The following PRPF3 variants were observed in gnomAD, a reference collection of about 807,000 sequenced individuals.
PRPF3 encodes the protein pre-mRNA processing factor 3.
In PRPF3, 3 loss-of-function variants were observed where a neutral mutation model predicts 89.2. That is an observed-to-expected ratio of 0.03 (90% CI 0.02 to 0.09). PRPF3 has a LOEUF of 0.09. Ranked by LOEUF, PRPF3 falls within the 10% of genes least tolerant of loss-of-function variation. The probability of loss-of-function intolerance (pLI) is 1.00; values close to 1 mark genes in which losing one functional copy is unlikely to be tolerated. For synonymous variants in PRPF3, 270 were observed against 289.1 expected, an observed-to-expected ratio of 0.93 and a Z score of 0.67; for missense variants, 463 against 828.8, an observed-to-expected ratio of 0.56 and a Z score of 5.42.
At chr1:150,324,711 A>AT (rs1432299664) in intron 1 of PRPF3, among the ~76,000 whole-genome samples, 184 bp from the exon 2 acceptor site, 2 of 151,738 alleles carry the variant, frequency 1.3e-5, no homozygotes, top group East Asian at 1.9e-4. Context: ...CGCCCAGCTA[A>AT]TTTTTTTGTA....
intron 1 of PRPF3, among the ~76,000 whole-genome samples, chr1:150,324,692 A>G (rs1366208914): frequency 1.3e-5 from 2 of 151,684 alleles, no homozygotes; most frequent in African/African-American, 4.8e-5. Flanking sequence ...TTACAGGCAC[A>G]TGCCACCACG....
chr1:150,340,250 A>ATATTTTAGGTACCTAAATGC, intron 8 of PRPF3, 148 bp from the exon 9 acceptor site: 2 of 661,778 alleles, frequency 3.0e-6, no homozygotes, highest in East Asian at 2.8e-5. Flanking sequence ...ATTTAACTAT[A>ATATTTTAGGTACCTAAATGC]TATTTTAGGT....
In PRPF3 at chr1:150,346,447, A is replaced by G. The variant is rs1658279276; in HGVS notation, c.1799A>G (p.His600Arg). The change falls in exon 14 of 16, where the codon CAT becomes CGT. Residue 600 changes from histidine (H) to arginine (R), a missense_variant. Around this residue, in one of 8 missense-constraint regions of PRPF3, gnomAD observed 261 missense variants for 475.8 expected, o/e 0.55. Coordinates refer to ENST00000324862, the MANE Select transcript of PRPF3 (RefSeq NM_004698.4). ...AAGAAATTTAAGCGTCTTATGCTGC[A>G]TCGGATAAAGTGGGATGAACAGACA... is the stretch of plus-strand genomic sequence containing the variant. ...AQKKFKRLML[H>R]RIKWDEQTSN... is the part of the protein sequence containing the mutation. The G allele has an allele frequency of 5.0e-6, 8 of 1,614,094 alleles. No homozygotes were observed. In the South Asian group the frequency reaches 5.5e-5, roughly 11 times the overall value.
rs781827683 is a variant in PRPF3, at chr1:150,335,256, G to C, written c.1035+15G>C. On this transcript the variant is annotated intron_variant, in intron 7 of 15. Transcript: ENST00000324862. ...TACGGACAAAGGTATCTGGCTTAGAGTATAACACAGAATTTGGAAAAAGTT... is the reference window on the plus strand; with the variant it reads ...TACGGACAAAGGTATCTGGCTTAGACTATAACACAGAATTTGGAAAAAGTT... 2.3e-5 allele frequency: 37 copies of C among 1,610,286 alleles called. No individual in the cohort carries two copies. Among genetic ancestry groups the C allele is most frequent in the Non-Finnish European group, 2.0e-5 (24 of 1,176,832 alleles).
intron 11 of PRPF3, 42 bp downstream of exon 11, chr1:150,344,303 T>C (rs1306547903): frequency 1.6e-5 from 26 of 1,613,696 alleles, no homozygotes; most frequent in Non-Finnish European, 1.9e-5. Flanking sequence ...GGCAAGTACC[T>C]TTCCCAAACT....
In PRPF3 at chr1:150,332,542, A is replaced by G. The variant is rs1656528483; in HGVS notation, c.424-142A>G. 6.3e-6 allele frequency: 5 copies of G among 789,770 alleles called. No individual in the cohort carries two copies. The South Asian group carries it at 7.5e-5, about 12-fold the overall frequency. 48.9% of individuals were successfully genotyped at this position (789,770 alleles called of 1,614,324 possible). On this transcript the variant is annotated intron_variant, in intron 4 of 15. Coordinates refer to ENST00000324862, the MANE Select transcript of PRPF3 (RefSeq NM_004698.4). ...CACTTATCTTGACTAAATTTTTTGC[A>G]CTGTGGTGCAGGCAGAATGTGGTAT...
intron 8 of PRPF3, among the ~76,000 whole-genome samples, chr1:150,338,735 G>A (rs587637789): frequency 6.6e-6 from 1 of 152,076 alleles, no homozygotes; most frequent in African/African-American, 2.4e-5. Flanking sequence ...GGCTGGTCTC[G>A]AACTCCTGAC....
intron 10 of PRPF3, 121 bp downstream of exon 10, chr1:150,343,573 C>G: frequency 1.5e-6 from 2 of 1,337,758 alleles, no homozygotes; most frequent in Non-Finnish European, 2.1e-6. Flanking sequence ...TTCTTGGGGT[C>G]CTTTTTCTCC....
intron 1 of PRPF3, among the ~76,000 whole-genome samples, chr1:150,323,173 C>CTTTTTTTTT (rs71083901): frequency 0.022 from 1,075 of 48,278 alleles, 286 homozygotes; most frequent in African/African-American, 0.024. Context: ...CCGCACCTGG[C>CTTTTTTTTT]TTTTTTTTTT....
chr1:150,351,667 A>AATTT (rs1658940015), intron 15 of PRPF3, among the ~76,000 whole-genome samples: 1 of 94,442 alleles, frequency 1.1e-5, no homozygotes, highest in Non-Finnish European at 2.1e-5. Flanking sequence ...TGCCTGGCTA[A>AATTT]TTTTTTTTTT....
chr1:150,328,517 A>T, intron 4 of PRPF3, 51 bp downstream of exon 4: 1 of 1,489,824 alleles, frequency 6.7e-7, no homozygotes, highest in Non-Finnish European at 9.3e-7. Context: ...TGAAGAAGCA[A>T]AAGGTGCATG....
At chr1:150,343,581 T>TC (rs1658001788) in intron 10 of PRPF3, 129 bp downstream of exon 10, 2 of 1,252,868 alleles carry the variant, frequency 1.6e-6, no homozygotes, top group East Asian at 2.6e-5. Flanking sequence ...GTCCTTTTTC[T>TC]CCAAGTTTTC....
intron 1 of PRPF3, among the ~76,000 whole-genome samples, chr1:150,322,974 A>G (rs587724144): frequency 6.0e-5 from 9 of 151,184 alleles, no homozygotes; most frequent in African/African-American, 2.2e-4. Flanking sequence ...TTCCATGTTC[A>G]AGGGATTCTC....
At position 150,334,260 on chromosome 1, in the gene PRPF3, T is replaced by C. The variant is rs111740614; in HGVS notation, c.729-675T>C. ...GGTTGAGGTTGCAATGAGCTGTGAT[T>C]GTGCCACTGTACTTTAGCCTGGGCA... is the stretch of plus-strand genomic sequence containing the variant. On this transcript the variant is annotated intron_variant, in intron 6 of 15. Transcript: ENST00000324862. 9.0e-3 allele frequency among the ~76,000 whole-genome samples: 1,368 copies of C among 152,236 alleles called. 16 individuals carry two copies. The highest frequency in any genetic ancestry group is 0.031 in the African/African-American group (1,297 of 41,546).
intron 10 of PRPF3, among the ~76,000 whole-genome samples, chr1:150,343,851 C>G (rs988842919): frequency 5.3e-5 from 8 of 152,120 alleles, no homozygotes; most frequent in African/African-American, 1.9e-4. Context: ...TTTGACTGAG[C>G]ACTATTATTT....
chr1:150,339,093 C>G (rs1187020910), intron 8 of PRPF3, among the ~76,000 whole-genome samples: 1 of 151,340 alleles, frequency 6.6e-6, no homozygotes, highest in Non-Finnish European at 1.5e-5. Context: ...AGGCTGGGCT[C>G]GGTGGCTGAC....
chr1:150,327,574 C>T (rs868912931), intron 3 of PRPF3: 38 of 985,620 alleles, frequency 3.9e-5, no homozygotes, highest in South Asian at 9.4e-5. Context: ...AGGAAGCGCT[C>T]GCCCCTGGCC....
chr1:150,335,772 T>TTA (rs1656913123), intron 7 of PRPF3, among the ~76,000 whole-genome samples: 1 of 148,816 alleles, frequency 6.7e-6, no homozygotes. Context: ...CCTTTTTTTT[T>TTA]TTTGGGCGGG....
In PRPF3 at chr1:150,349,224, T is replaced by C. The variant is rs587615563; in HGVS notation, c.1905+6T>C. 3 of 1,611,262 alleles carry C rather than the reference T, an allele frequency of 1.9e-6. No homozygotes were observed. The highest frequency in any genetic ancestry group is 3.3e-5 in the Admixed American group (2 of 60,000). ...AATGTGTACTAGTCTGGGAGGTAGG[T>C]GATCCTTTGTAAAACATTGTAAAAC... On this transcript the variant is annotated splice_donor_region_variant and intron_variant, in intron 15 of 15. Transcript: ENST00000324862.
Sources: gnomAD v4.1 joint callset for allele counts (sites outside exome capture counted in the v4.1 genomes callset) on GRCh38, gnomAD v4.1.1 for gene constraint, gnomAD v4.1.1 regional missense constraint, MANE v1.5 for transcripts, NCBI Gene and HGNC (gene_info 2026-07-23, HGNC 2026-07-21) for gene names.